FCRL5: variants seen among roughly 807,000 people sequenced by gnomAD.
The protein encoded by FCRL5 is Fc receptor-like protein 5.
In FCRL5, 79 loss-of-function variants were observed where a neutral mutation model predicts 92.1. The observed-to-expected ratio is 0.86, with a 90% CI of 0.72 to 1.03. The LOEUF (loss-of-function observed/expected upper bound fraction) is 1.03, where lower values mean the gene tolerates loss of function less well. FCRL5 is among the 50% of genes least tolerant of loss of function. The probability of loss-of-function intolerance (pLI) is 0.00; values close to 1 mark genes in which losing one functional copy is unlikely to be tolerated. For missense variants in FCRL5, 1,160 were observed against 1,181.1 expected, an observed-to-expected ratio of 0.98 and a Z score of 0.26; for synonymous variants, 466 against 469.3, an observed-to-expected ratio of 0.99 and a Z score of 0.09.
intron 10 of FCRL5, 129 bp downstream of exon 10, chr1:157,524,150 G>T: frequency 1.1e-6 from 1 of 915,064 alleles, no homozygotes; most frequent in Non-Finnish European, 1.7e-6. Context: ...AGGTTCTGCA[G>T]GCAGGAAGTG....
chr1:157,537,511 C>T (rs772376768), intron 7 of FCRL5, among the ~76,000 whole-genome samples: 14 of 152,150 alleles, frequency 9.2e-5, no homozygotes, highest in Non-Finnish European at 1.6e-4. Flanking sequence ...ATTTTAATTT[C>T]GCCCCGGTCC....
At position 157,515,492 on chromosome 1, in the gene FCRL5, G is replaced by A. The variant is rs1226599192; in HGVS notation, c.*183C>T. The A allele has an allele frequency of 6.7e-6, 9 of 1,341,796 alleles. No individual in the cohort carries two copies. The highest frequency in any genetic ancestry group is 2.2e-5 in the Admixed American group (1 of 46,378). 83.1% of individuals were successfully genotyped at this position (1,341,796 alleles called of 1,614,324 possible). ...AACCTGCCAGTCAGGGCTTTAACTG[G>A]GAAACAGGTGACAGTCCAGCAGGGC... On this transcript the variant is annotated 3_prime_UTR_variant, in exon 17 of 17. Coordinates refer to ENST00000361835, the MANE Select transcript of FCRL5 (RefSeq NM_031281.3).
chr1:157,542,842 A>C lies in FCRL5; in HGVS notation c.1123+17T>G. The C allele has an allele frequency of 6.2e-7, 1 of 1,600,610 alleles. No homozygotes were observed. Among genetic ancestry groups the C allele is most frequent in the Non-Finnish European group, 8.5e-7 (1 of 1,171,786 alleles). On this transcript the variant is annotated intron_variant, in intron 6 of 16. Transcript: ENST00000361835. The stretch of plus-strand genomic sequence containing the variant: ...TCTTGGCCAGGGGTGGGTGATTGGC[A>C]GGAATGCAGGGCTTACCAGTGACTG...
intron 8 of FCRL5, among the ~76,000 whole-genome samples, chr1:157,530,424 T>C (rs1407855896): frequency 6.6e-6 from 1 of 152,260 alleles, no homozygotes; most frequent in African/African-American, 2.4e-5. Flanking sequence ...TGGAGTGCAA[T>C]GGCGCGATCT....
At chr1:157,534,564 G>A (rs1475342671) in intron 8 of FCRL5, 50 bp downstream of exon 8, 5 of 1,605,002 alleles carry the variant, frequency 3.1e-6, no homozygotes, top group Non-Finnish European at 4.3e-6. Context: ...AGGAATGGGT[G>A]AGAGAGAACT....
intron 7 of FCRL5, among the ~76,000 whole-genome samples, chr1:157,537,667 T>C (rs948562919): frequency 5.9e-5 from 9 of 152,310 alleles, no homozygotes; most frequent in African/African-American, 2.2e-4. Context: ...GTTTTATGGC[T>C]TAAGGGGCAT....
chr1:157,515,914 T>C (rs1189380562), intron 15 of FCRL5, 41 bp from the exon 16 acceptor site: 1 of 1,610,490 alleles, frequency 6.2e-7, no homozygotes, highest in Admixed American at 1.7e-5. Context: ...AAGACTGGCA[T>C]GGGGCTCTTC....
rs186850793 is a variant in FCRL5, at chr1:157,544,544, G to C, written c.562C>G (p.Pro188Ala). 101 of 1,612,976 alleles carry C rather than the reference G, an allele frequency of 6.3e-5. 1 individual carries two copies. In the East Asian group the frequency reaches 2.2e-3, roughly 35 times the overall value. The change falls in exon 5 of 17, where the codon CCA becomes GCA. Residue 188 changes from proline (P) to alanine (A), a missense_variant and splice_region_variant. Physicochemically the swap from Pro to Ala is conservative, Grantham distance 27 (BLOSUM62 -1). Coordinates refer to ENST00000361835, the MANE Select transcript of FCRL5 (RefSeq NM_031281.3). Reference protein sequence around the residue: ...SNTVKIQVQEPFTRPVLRASS... With the variant: ...SNTVKIQVQEAFTRPVLRASS... ...GCTCTCAGCACTGGACGTGTAAATG[G>C]CTCTAGAGAGAAGAATCACAACAGT... is the stretch of plus-strand genomic sequence containing the variant.
intron 1 of FCRL5, among the ~76,000 whole-genome samples, chr1:157,551,566 G>A (rs1436063656): frequency 6.6e-6 from 1 of 152,190 alleles, no homozygotes; most frequent in Non-Finnish European, 1.5e-5. Context: ...GCCTTGCTGG[G>A]AGCCCTTCTA....
Position 157,542,857 on chromosome 1 carries a change from AC to A in FCRL5, c.1123+1del. 6.2e-7 allele frequency: 1 copy of A among 1,610,564 alleles called. No homozygotes were observed. Among genetic ancestry groups the A allele is most frequent in the South Asian group, 1.1e-5 (1 of 90,696 alleles). On this transcript the variant is annotated splice_donor_variant, in intron 6 of 16. Coordinates refer to ENST00000361835, the MANE Select transcript of FCRL5 (RefSeq NM_031281.3). LOFTEE classifies it high-confidence loss of function. ...GGTGATTGGCAGGAATGCAGGGCTT[AC>A]CAGTGACTGAGAGGCTCACAGCCTT...
At chr1:157,531,326 G>T (rs1474301541) in intron 8 of FCRL5, among the ~76,000 whole-genome samples, 1 of 152,188 alleles carries the variant, frequency 6.6e-6, no homozygotes. Flanking sequence ...GAAAACAAGT[G>T]CTGGTTAAGT....
chr1:157,544,377 C>T lies in FCRL5; in HGVS notation c.729G>A (p.Pro243=), dbSNP rs752945522. ...TCCACATGGCAGTAATCTGGAAATT[C>T]GGGGAGAGACTCCAGCCTAATCCCA... is the stretch of plus-strand genomic sequence containing the variant. ...QTLGLGWSLS[P]NFQITAMWSK... Residue 243 remains proline (P), a synonymous_variant, in exon 5 of 17, where the codon CCG becomes CCA. Transcript: ENST00000361835. 21 of 1,614,040 alleles carry T rather than the reference C, an allele frequency of 1.3e-5. No individual in the cohort carries two copies. Among genetic ancestry groups the T allele is most frequent in the African/African-American group, 1.2e-4 (9 of 74,924 alleles).
At chr1:157,545,314 T>C (rs1250153635) in intron 3 of FCRL5, among the ~76,000 whole-genome samples, 1 of 152,186 alleles carries the variant, frequency 6.6e-6, no homozygotes, top group Non-Finnish European at 1.5e-5. Flanking sequence ...TTTTGGCATA[T>C]GTTTTTCCAG....
At chr1:157,519,720 C>G (rs765692848) in intron 13 of FCRL5, 23 bp downstream of exon 13, 1 of 1,612,698 alleles carries the variant, frequency 6.2e-7, no homozygotes, top group Non-Finnish European at 8.5e-7. Flanking sequence ...ACTAATCACA[C>G]AGGAATGCAG....
chr1:157,537,517 G>T (rs138895795), intron 7 of FCRL5, among the ~76,000 whole-genome samples: 1,981 of 152,152 alleles, frequency 0.013, 39 homozygotes, highest in African/African-American at 0.046. Flanking sequence ...ATTTCGCCCC[G>T]GTCCTGTGGT....
At chr1:157,539,395 G>A (rs757967759) in intron 6 of FCRL5, 31 bp from the exon 7 acceptor site, 6 of 1,563,780 alleles carry the variant, frequency 3.8e-6, no homozygotes, top group Non-Finnish European at 5.2e-6. Context: ...GTCAAGATTT[G>A]TTTCTGCCTC....
Position 157,543,147 on chromosome 1 carries a change from A to G in FCRL5, c.845-10T>C. 1 of 1,608,848 alleles carries G rather than the reference A, an allele frequency of 6.2e-7. No homozygotes were observed. Among genetic ancestry groups the G allele is most frequent in the Non-Finnish European group, 8.5e-7 (1 of 1,177,428 alleles). On this transcript the variant is annotated splice_polypyrimidine_tract_variant and intron_variant, in intron 5 of 16. Transcript: ENST00000361835. ...GGATGAGATGCAGGGACTGAGCAAGAGAAAAAATTAGTCAAGAATTGCTTT... is the reference window on the plus strand; with the variant it reads ...GGATGAGATGCAGGGACTGAGCAAGGGAAAAAATTAGTCAAGAATTGCTTT...
At chr1:157,527,579 G>A in intron 9 of FCRL5, 38 bp downstream of exon 9, 1 of 1,534,934 alleles carries the variant, frequency 6.5e-7, no homozygotes, top group Middle Eastern at 1.8e-4. Flanking sequence ...AGGGGAGATG[G>A]TCTTTTTATT....
At chr1:157,546,863 A>AG in intron 3 of FCRL5, 80 bp downstream of exon 3, 1 of 1,521,086 alleles carries the variant, frequency 6.6e-7, no homozygotes, top group Non-Finnish European at 8.9e-7. Flanking sequence ...GAAGGGTCTG[A>AG]GGTAAACAGT....
Sources: allele counts gnomAD v4.1 joint callset (sites outside exome capture counted in the v4.1 genomes callset), GRCh38; gene constraint gnomAD v4.1.1; transcripts MANE v1.5; gene names NCBI Gene and HGNC (gene_info 2026-07-23, HGNC 2026-07-21).